Variants in CHD4 observed in about 807,000 individuals in gnomAD.
CHD4 encodes the protein chromodomain helicase DNA binding protein 4.
Under a neutral mutation model 235.5 loss-of-function variants are expected in CHD4, and 35 were observed. That is an observed-to-expected ratio of 0.15 (90% CI 0.11 to 0.20). The LOEUF (loss-of-function observed/expected upper bound fraction) is 0.20, where lower values mean the gene tolerates loss of function less well. Ranked by LOEUF, CHD4 falls within the 10% of genes least tolerant of loss-of-function variation. The pLI, the probability that CHD4 is intolerant of heterozygous loss-of-function variation, is 1.00. For synonymous variants in CHD4, 900 were observed against 850.2 expected (o/e 1.06, Z -1.02); for missense variants, 1,329 against 2,432.3 (o/e 0.55, Z 9.54).
chr12:6,578,667 T>G (rs765074116), intron 34 of CHD4, 121 bp from the exon 35 acceptor site: 2 of 1,485,866 alleles, frequency 1.3e-6, no homozygotes, highest in South Asian at 2.3e-5. Context: ...CCTGGGTGTC[T>G]CTCAGACCCA....
intron 10 of CHD4, among the ~76,000 whole-genome samples, chr12:6,598,825 A>G (rs925101667): frequency 2.0e-5 from 3 of 152,104 alleles, no homozygotes; most frequent in Non-Finnish European, 2.9e-5. Flanking sequence ...ATAAAAAAAG[A>G]TCTCATTTCA....
chr12:6,606,325 C>T lies in CHD4; in HGVS notation c.49G>A (p.Glu17Lys), dbSNP rs1429409017. The T allele has an allele frequency of 3.2e-6, 5 of 1,572,260 alleles. No individual in the cohort carries two copies. The highest frequency in any genetic ancestry group is 3.4e-6 in the Non-Finnish European group (4 of 1,162,282). The change falls in exon 2 of 40, where the codon GAG (glutamate) becomes AAG (lysine). Residue 17 changes from glutamate to lysine, a missense_variant. Glu to Lys is a moderately conservative substitution (Grantham distance 56). Around this residue, in one of 26 missense-constraint regions of CHD4, gnomAD observed 213 missense variants for 177.5 expected, o/e 1.20. Coordinates refer to ENST00000544040, the MANE Select transcript of CHD4 (RefSeq NM_001273.5). ...SPSPCSAGSE[E>K]EDMDALLNNS... ...TTCAAAAGTGCATCCATATCCTCCT[C>T]CTCACTGCCCGCCGAGCAGGGGGAC... is the stretch of plus-strand genomic sequence containing the variant.
chr12:6,583,763 A>G, intron 25 of CHD4: 1 of 169,302 alleles, frequency 5.9e-6, no homozygotes. Context: ...AGATTTTCAT[A>G]AGAGAGAAGG....
At chr12:6,570,813 C>G (rs1947952067) in intron 39 of CHD4, 56 bp downstream of exon 39, 2 of 1,612,076 alleles carry the variant, frequency 1.2e-6, no homozygotes, top group Non-Finnish European at 1.7e-6. Flanking sequence ...AGCAAAGTTA[C>G]AAGCTCCAGA....
In CHD4 at chr12:6,587,609, A is replaced by G. The variant is rs763546688; in HGVS notation, c.3704-50T>C. Reference sequence around the variant, plus strand: ...CCCCAAAGTCAGTTTCAGCAGCTGCAGTGGAAAAAGCAAGTCCCACAAGAC... The same window carrying G: ...CCCCAAAGTCAGTTTCAGCAGCTGCGGTGGAAAAAGCAAGTCCCACAAGAC... On this transcript the variant is annotated intron_variant, in intron 24 of 39. Coordinates refer to ENST00000544040, the MANE Select transcript of CHD4 (RefSeq NM_001273.5). The G allele has an allele frequency of 1.1e-5, 17 of 1,609,940 alleles. 1 individual carries two copies. The highest frequency in any genetic ancestry group is 1.4e-5 in the Non-Finnish European group (17 of 1,177,366).
At chr12:6,596,248 A>G in intron 12 of CHD4, 111 bp from the exon 13 acceptor site, 1 of 1,359,264 alleles carries the variant, frequency 7.4e-7, no homozygotes, top group South Asian at 1.4e-5. Flanking sequence ...GGTATGCCAC[A>G]GATCACACGT....
chr12:6,595,862 G>A (rs920203115), intron 13 of CHD4, 144 bp downstream of exon 13: 5 of 824,324 alleles, frequency 6.1e-6, no homozygotes, highest in Admixed American at 3.1e-5. Flanking sequence ...GGAGGCTAAG[G>A]CAGGAGAATC....
At chr12:6,576,190 C>A (rs1477620897) in intron 37 of CHD4, among the ~76,000 whole-genome samples, 1 of 152,084 alleles carries the variant, frequency 6.6e-6, no homozygotes, top group South Asian at 2.1e-4. Flanking sequence ...AACCCTGTCT[C>A]TACTAAAAAT....
At chr12:6,592,151 T>C in intron 19 of CHD4, 94 bp from the exon 20 acceptor site, 1 of 1,498,600 alleles carries the variant, frequency 6.7e-7, no homozygotes, top group Non-Finnish European at 9.2e-7. Flanking sequence ...TTCCAACACA[T>C]CCCACTTTGG....
At chr12:6,591,146 A>C (rs888394822) in intron 22 of CHD4, 27 of 183,808 alleles carry the variant, frequency 1.5e-4, no homozygotes, top group East Asian at 4.0e-4. Flanking sequence ...AAAAAAAAAA[A>C]AAAAACCTAG....
chr12:6,602,954 G>C (rs972853698), intron 2 of CHD4: 2 of 155,268 alleles, frequency 1.3e-5, no homozygotes, highest in Non-Finnish European at 2.9e-5. Flanking sequence ...TCAGTTCAGG[G>C]GTCTCGGAAA....
rs1295995077 is a variant in CHD4 at position 6,573,180 on chromosome 12, G to T, written c.5451C>A (p.Ala1817=). The change falls in exon 38 of 40, where the codon GCC becomes GCA. Residue 1817 remains alanine, a synonymous_variant. Coordinates refer to ENST00000544040, the MANE Select transcript of CHD4 (RefSeq NM_001273.5). ...CCACCTCAGCAAAGCGGGTGTTGAG[G>T]GCCATGGAAGGGTGAGAAGGGTCTT... is the stretch of plus-strand genomic sequence containing the variant. The part of the protein sequence containing the change: ...MSEDPSHPSM[A]LNTRFAEVEC... 1 of 1,607,978 alleles carries T rather than the reference G, an allele frequency of 6.2e-7. No homozygotes were observed. Among genetic ancestry groups the T allele is most frequent in the South Asian group, 1.1e-5 (1 of 89,894 alleles).
At position 6,577,857 on chromosome 12, in the gene CHD4, C is replaced by T. The variant is rs71584867; in HGVS notation, c.5289G>A (p.Glu1763=). ...QNDPRYAILN[E]PFKGEMNRGN... Reference sequence around the variant, plus strand: ...CACGGTTCATTTCACCCTTGAAAGGCTCATTGAGGATGGCATAGCGTGGGT... The same window carrying T: ...CACGGTTCATTTCACCCTTGAAAGGTTCATTGAGGATGGCATAGCGTGGGT... The change falls in exon 37 of 40, where the codon GAG becomes GAA. Residue 1763 remains glutamate (E), a synonymous_variant. Transcript: ENST00000544040. The T allele has an allele frequency of 4.7e-5, 76 of 1,614,112 alleles. No homozygotes were observed. Among genetic ancestry groups the T allele is most frequent in the Non-Finnish European group, 3.5e-5 (41 of 1,180,050 alleles).
intron 2 of CHD4, 64 bp downstream of exon 2, chr12:6,606,210 A>G (rs930565409): frequency 1.4e-4 from 159 of 1,104,880 alleles, no homozygotes; most frequent in South Asian, 2.9e-4. Context: ...GCCTCACCAG[A>G]GGAGTCACTC....
At chr12:6,574,473 T>G (rs1473769479) in intron 37 of CHD4, among the ~76,000 whole-genome samples, 1 of 152,198 alleles carries the variant, frequency 6.6e-6, no homozygotes, top group South Asian at 2.1e-4. Context: ...AGGCAGAATG[T>G]TGGTTCTTAA....
At position 6,578,837 on chromosome 12, in the gene CHD4, A is replaced by G. The variant is rs372160129; in HGVS notation, c.4981+9T>C. On this transcript the variant is annotated intron_variant, in intron 34 of 39. Coordinates refer to ENST00000544040, the MANE Select transcript of CHD4 (RefSeq NM_001273.5). ...TTCTGAACCACAATCAACTTCTCCA[A>G]ACACCCACCTTTGTCTTCTACCACA... 5.6e-6 allele frequency: 9 copies of G among 1,613,772 alleles called. No individual in the cohort carries two copies. The highest frequency in any genetic ancestry group is 7.6e-6 in the Non-Finnish European group (9 of 1,179,808).
chr12:6,606,064 G>A (rs1948690039), intron 2 of CHD4, among the ~76,000 whole-genome samples: 2 of 152,228 alleles, frequency 1.3e-5, no homozygotes, highest in African/African-American at 4.8e-5. Flanking sequence ...ACAGAGTGCA[G>A]CAAGCTGGCA....
chr12:6,572,849 C>T (rs1050670647), intron 38 of CHD4: 6 of 394,442 alleles, frequency 1.5e-5, no homozygotes, highest in Middle Eastern at 6.9e-4. Context: ...CGTGAGCCAC[C>T]GCGCCCGGCC....
Position 6,582,917 on chromosome 12 carries a change from A to C in CHD4, c.4167T>G (p.Arg1389=). 1 of 1,614,128 alleles carries C rather than the reference A, an allele frequency of 6.2e-7. No homozygotes were observed. The highest frequency in any genetic ancestry group is 8.5e-7 in the Non-Finnish European group (1 of 1,180,038). ...ERSEAPRRPS[R]KGLRNDKDKP... ...TATCTTTATCATTCCGCAGGCCCTTACGACTGGGCCTACGGGGAGCTGCAA... is the reference window on the plus strand; with the variant it reads ...TATCTTTATCATTCCGCAGGCCCTTCCGACTGGGCCTACGGGGAGCTGCAA... The change falls in exon 28 of 40, where the codon CGT becomes CGG. Residue 1389 remains arginine, a synonymous_variant. Coordinates refer to ENST00000544040, the MANE Select transcript of CHD4 (RefSeq NM_001273.5).
Sources: allele counts gnomAD v4.1 joint callset (sites outside exome capture counted in the v4.1 genomes callset), GRCh38; gene constraint gnomAD v4.1.1; regional missense constraint gnomAD v4.1.1; transcripts MANE v1.5; gene names NCBI Gene and HGNC (gene_info 2026-07-23, HGNC 2026-07-21).